DLC1: variants seen among roughly 807,000 people sequenced by gnomAD.
DLC1 encodes rho GTPase-activating protein 7.
In DLC1, 54 loss-of-function variants were observed where a neutral mutation model predicts 140.3. The observed-to-expected ratio is 0.38, with a 90% confidence interval of 0.31 to 0.48. DLC1 has a LOEUF of 0.48. Among genes scored for constraint, DLC1 ranks in the 20% least tolerant of loss-of-function variants. The pLI, the probability that DLC1 is intolerant of heterozygous loss-of-function variation, is 0.96. For missense variants in DLC1, 2,536 were observed against 1,907.0 expected (o/e 1.33, Z -6.14); for synonymous variants, 986 against 728.1 (o/e 1.35, Z -5.70).
intron 1 of DLC1, among the ~76,000 whole-genome samples, chr8:13,600,741 C>G (rs984807778): frequency 4.6e-5 from 7 of 151,724 alleles, no homozygotes; most frequent in Non-Finnish European, 7.4e-5. Flanking sequence ...TAGCATTAAG[C>G]AATGGGATGT....
chr8:13,189,139 A>T (rs1826593915), intron 5 of DLC1, among the ~76,000 whole-genome samples: 1 of 152,118 alleles, frequency 6.6e-6, no homozygotes. Flanking sequence ...AATAATTGTA[A>T]GTATTTCAAC....
At chr8:13,529,918 A>C (rs576377861) in intron 1 of DLC1, among the ~76,000 whole-genome samples, 1 of 152,208 alleles carries the variant, frequency 6.6e-6, no homozygotes, top group Non-Finnish European at 1.5e-5. Context: ...TAGGGAAAGA[A>C]GGGACGAAAG....
intron 4 of DLC1, among the ~76,000 whole-genome samples, chr8:13,344,638 A>C (rs538383511): frequency 6.6e-6 from 1 of 152,218 alleles, no homozygotes; most frequent in Non-Finnish European, 1.5e-5. Flanking sequence ...AAAGGCTGGT[A>C]GGAATGGTTA....
chr8:13,158,906 T>C (rs1477339155), intron 5 of DLC1, among the ~76,000 whole-genome samples: 1 of 152,092 alleles, frequency 6.6e-6, no homozygotes, highest in African/African-American at 2.4e-5. Context: ...CAACTAACAC[T>C]GGAGTCTGGG....
rs569777831 is a variant in DLC1 at position 13,311,880 on chromosome 8, C to T, written c.1315-6578G>A. Among the ~76,000 whole-genome samples the T allele has an allele frequency of 3.3e-5, 5 of 152,210 alleles. No individual in the cohort carries two copies. The East Asian group carries it at 5.8e-4, about 18-fold the overall frequency. ...AAATTTTTTCTTTTCCTCCTCAAAA[C>T]ACTGACATTTAATGTATTTAAAGCT... On this transcript the variant is annotated intron_variant, in intron 4 of 17. Coordinates refer to ENST00000276297, the MANE Select transcript of DLC1 (RefSeq NM_182643.3).
At chr8:13,559,913 A>C (rs1026654614) in intron 1 of DLC1, among the ~76,000 whole-genome samples, 6 of 146,506 alleles carry the variant, frequency 4.1e-5, no homozygotes, top group African/African-American at 1.5e-4. Context: ...GATGGACTTA[A>C]CTTTATAAAA....
intron 13 of DLC1, among the ~76,000 whole-genome samples, chr8:13,092,230 G>T (rs573829642): frequency 7.9e-4 from 121 of 152,304 alleles, no homozygotes; most frequent in African/African-American, 2.9e-3. Flanking sequence ...GGGCAACAGA[G>T]CAAGACTCTG....
At chr8:13,369,355 G>GA (rs1333516845) in intron 4 of DLC1, among the ~76,000 whole-genome samples, 123 of 136,038 alleles carry the variant, frequency 9.0e-4, no homozygotes, top group Middle Eastern at 7.6e-3. Flanking sequence ...TGGCTGGGTC[G>GA]AAAAAAAAAA....
Position 13,100,119 on chromosome 8 carries a change from T to C in DLC1, c.2218A>G (p.Thr740Ala). Residue 740 changes from threonine (T) to alanine (A), a missense_variant, in exon 9 of 18, where the codon ACC becomes GCC. Physicochemically the swap from Thr to Ala is moderately conservative, Grantham distance 58. Transcript: ENST00000276297. ...TCCGACTGGCTGCTGCTGCTGCTGGTCTGCGTGGAGTTGGAAACGCTCCTC... is the reference window on the plus strand; with the variant it reads ...TCCGACTGGCTGCTGCTGCTGCTGGCCTGCGTGGAGTTGGAAACGCTCCTC... ...RKRSVSNSTQ[T>A]SSSSSQSETS... 6.2e-7 allele frequency: 1 copy of C among 1,614,062 alleles called. No homozygotes were observed. The highest frequency in any genetic ancestry group is 8.5e-7 in the Non-Finnish European group (1 of 1,180,044).
intron 4 of DLC1, among the ~76,000 whole-genome samples, chr8:13,370,042 A>T (rs1671415): frequency 0.026 from 3,846 of 150,790 alleles, 157 homozygotes; most frequent in African/African-American, 0.089. Flanking sequence ...CTTTTCCCAG[A>T]ACATCTAGTT....
rs146294711 is a variant in DLC1, at chr8:13,117,334, C to T, written c.1349-1677G>A. Among the ~76,000 whole-genome samples, 1,080 of 151,970 alleles carry T rather than the reference C, an allele frequency of 7.1e-3. 15 individuals are homozygous for T. The highest frequency in any genetic ancestry group is 8.7e-3 in the Non-Finnish European group (594 of 67,954). ...AAAGAAAAAAATTACAAAAATTAGT[C>T]AGGTGTGGTGGTGTGCTCCTGTAGT... On this transcript the variant is annotated intron_variant, in intron 5 of 17. Coordinates refer to ENST00000276297, the MANE Select transcript of DLC1 (RefSeq NM_182643.3).
At chr8:13,200,218 A>AT (rs1563159234) in intron 5 of DLC1, among the ~76,000 whole-genome samples, 2 of 149,748 alleles carry the variant, frequency 1.3e-5, no homozygotes, top group Admixed American at 6.6e-5. Context: ...AATTTTTTCT[A>AT]TTTTTTGTAT....
chr8:13,105,297 G>A, intron 7 of DLC1, among the ~76,000 whole-genome samples: 1 of 152,076 alleles, frequency 6.6e-6, no homozygotes, highest in East Asian at 1.9e-4. Flanking sequence ...TGTCCTGGAG[G>A]ACCCCCAAAG....
chr8:13,426,963 C>T (rs1306011987), intron 2 of DLC1, among the ~76,000 whole-genome samples: 1 of 152,100 alleles, frequency 6.6e-6, no homozygotes, highest in Admixed American at 6.6e-5. Flanking sequence ...CTATAACTTG[C>T]CGTGCTTAAG....
chr8:13,380,177 T>C lies in DLC1; in HGVS notation c.1314+13376A>G, dbSNP rs536548462. Among the ~76,000 whole-genome samples the C allele has an allele frequency of 3.3e-5, 5 of 152,286 alleles. No individual in the cohort carries two copies. The East Asian group carries it at 7.7e-4, about 24-fold the overall frequency. The stretch of plus-strand genomic sequence containing the variant: ...CTGAGGAAGGAATCAAGCTGCATAA[T>C]AGAAAATTATGTCATAAAGACCACA... On this transcript the variant is annotated intron_variant, in intron 4 of 17. Transcript: ENST00000276297.
At chr8:13,528,451 A>G (rs1446432901) in intron 1 of DLC1, among the ~76,000 whole-genome samples, 1 of 152,206 alleles carries the variant, frequency 6.6e-6, no homozygotes, top group Non-Finnish European at 1.5e-5. Context: ...CAAATGTTAG[A>G]AAAATTGTTT....
intron 5 of DLC1, among the ~76,000 whole-genome samples, chr8:13,174,126 T>G (rs1416767360): frequency 6.6e-6 from 1 of 152,176 alleles, no homozygotes; most frequent in Non-Finnish European, 1.5e-5. Flanking sequence ...GGTTTTCTGT[T>G]CCTGCATTAA....
intron 2 of DLC1, among the ~76,000 whole-genome samples, chr8:13,431,660 A>C (rs1258843089): frequency 1.3e-5 from 2 of 151,170 alleles, no homozygotes; most frequent in Non-Finnish European, 2.9e-5. Context: ...TTTAGAAAGA[A>C]TGTTCTGAGA....
chr8:13,258,486 A>C (rs1221283284), intron 5 of DLC1, among the ~76,000 whole-genome samples: 1 of 152,214 alleles, frequency 6.6e-6, no homozygotes, highest in African/African-American at 2.4e-5. Flanking sequence ...ATTTTCACTT[A>C]AACCCTCTAA....
Sources: allele counts gnomAD v4.1 joint callset (sites outside exome capture counted in the v4.1 genomes callset), GRCh38; gene constraint gnomAD v4.1.1; transcripts MANE v1.5; gene names NCBI Gene and HGNC (gene_info 2026-07-23, HGNC 2026-07-21).